The following DNAH3 variants were observed in gnomAD, a reference collection of about 807,000 sequenced individuals.
DNAH3 encodes the protein axonemal beta dynein heavy chain 3.
A neutral mutation model predicts 432.5 loss-of-function variants in DNAH3; 332 were observed. That is an observed-to-expected ratio of 0.77 (90% confidence interval 0.70 to 0.84). DNAH3 has a LOEUF of 0.84. Ranked by LOEUF, DNAH3 falls within the 40% of genes least tolerant of loss-of-function variation. The probability of loss-of-function intolerance (pLI) is 0.00; values close to 1 mark genes in which losing one functional copy is unlikely to be tolerated. For synonymous variants in DNAH3, 1,956 were observed against 1,900.2 expected (o/e 1.03, Z -0.76); for missense variants, 4,861 against 5,114.0 (o/e 0.95, Z 1.51).
At chr16:21,086,769 A>G in intron 19 of DNAH3, 80 bp downstream of exon 19, 1 of 1,256,128 alleles carries the variant, frequency 8.0e-7, no homozygotes. Context: ...TTGACCTAGT[A>G]ATGTTTCCTG....
At position 21,051,925 on chromosome 16, in the gene DNAH3, T is replaced by C. The variant is rs2089971154; in HGVS notation, c.4040-57A>G. 8.4e-6 allele frequency: 12 copies of C among 1,427,500 alleles called. No individual in the cohort carries two copies. In the East Asian group the frequency reaches 2.7e-4, roughly 32 times the overall value. 88.4% of individuals were successfully genotyped at this position (1,427,500 alleles called of 1,614,324 possible). A position where few individuals can be genotyped will look rare whatever the true frequency, so the allele number is the denominator to read the frequency against. On this transcript the variant is annotated intron_variant, in intron 28 of 61. Transcript: ENST00000261383. Reference sequence around the variant, plus strand: ...CAGAGCCATCAGAACTCTCCATCTTTGTAAGCTCCTCAGTTACAAGTGGAT... The same window carrying C: ...CAGAGCCATCAGAACTCTCCATCTTCGTAAGCTCCTCAGTTACAAGTGGAT...
chr16:21,061,061 T>C (rs189248855), intron 25 of DNAH3, among the ~76,000 whole-genome samples: 3 of 151,072 alleles, frequency 2.0e-5, no homozygotes, highest in Admixed American at 2.0e-4. Flanking sequence ...CTGGTCTTGA[T>C]TTCCTGGCCT....
In DNAH3 at chr16:20,980,082, C is replaced by G. The variant is rs2085787956; in HGVS notation, c.7860-536G>C. Among the ~76,000 whole-genome samples, 4 of 150,900 alleles carry G rather than the reference C, an allele frequency of 2.7e-5. No homozygotes were observed. In the Admixed American group the frequency reaches 2.7e-4, roughly 10 times the overall value. ...GTCTTTGATCAAGTCATTTCTATCA[C>G]TGATCCCTTTGATGAATCACCAGGG... On this transcript the variant is annotated intron_variant, in intron 49 of 61. Coordinates refer to ENST00000261383, the Ensembl canonical transcript of DNAH3.
chr16:21,159,424 G>T (rs1567894494), exon 1 of DNAH3: 1 of 1,613,998 alleles, frequency 6.2e-7, no homozygotes, highest in Non-Finnish European at 8.5e-7. Flanking sequence ...TGAGCTCGAG[G>T]CGCCCTGTAG....
At chr16:21,003,110 A>C (rs2087111567) in exon 42 of DNAH3, 1 of 1,600,136 alleles carries the variant, frequency 6.2e-7, no homozygotes, top group Non-Finnish European at 8.6e-7. Flanking sequence ...ATACCTTTGC[A>C]CCAGCTGGAA....
At chr16:21,049,759 A>G (rs2152742227) in intron 30 of DNAH3, 77 bp from the exon 31 acceptor site, 2 of 1,414,270 alleles carry the variant, frequency 1.4e-6, no homozygotes, top group South Asian at 2.3e-5. Flanking sequence ...ATTCAACAGC[A>G]GTGGGCTCCT....
intron 22 of DNAH3, 112 bp downstream of exon 22, chr16:21,070,598 A>C: frequency 1.4e-6 from 1 of 709,144 alleles, no homozygotes; most frequent in Non-Finnish European, 2.6e-6. Flanking sequence ...TTATTTTTCC[A>C]ATTAGGACAA....
chr16:21,109,024 G>A (rs1038204963), intron 14 of DNAH3, among the ~76,000 whole-genome samples: 1 of 151,322 alleles, frequency 6.6e-6, no homozygotes, highest in Non-Finnish European at 1.5e-5. Context: ...TCAGGAGGCT[G>A]AGGCTGGTGA....
At chr16:21,093,339 A>G (rs1464264276) in intron 18 of DNAH3, among the ~76,000 whole-genome samples, 1 of 152,242 alleles carries the variant, frequency 6.6e-6, no homozygotes, top group Non-Finnish European at 1.5e-5. Context: ...GCTCCAAAAA[A>G]GGAAATATTT....
chr16:21,012,034 C>T (rs139826938), intron 41 of DNAH3, among the ~76,000 whole-genome samples: 5 of 152,198 alleles, frequency 3.3e-5, no homozygotes, highest in East Asian at 1.9e-4. Context: ...AGCCAGGATC[C>T]GAACTCTGAC....
intron 42 of DNAH3, 91 bp downstream of exon 42, chr16:21,003,013 C>G (rs2152692912): frequency 1.1e-6 from 1 of 886,714 alleles, no homozygotes; most frequent in Middle Eastern, 2.2e-4. Context: ...GCCCTTAAAA[C>G]TCCTCGCAAA....
At chr16:21,134,939 C>G (rs1462281354) in intron 6 of DNAH3, among the ~76,000 whole-genome samples, 1 of 152,144 alleles carries the variant, frequency 6.6e-6, no homozygotes, top group Non-Finnish European at 1.5e-5. Flanking sequence ...CCACCCGCCT[C>G]GGCCTCCCAA....
chr16:20,962,422 C>CA (rs1056544004), intron 53 of DNAH3, among the ~76,000 whole-genome samples: 1 of 152,090 alleles, frequency 6.6e-6, no homozygotes, highest in African/African-American at 2.4e-5. Context: ...CAGGTGATTC[C>CA]AATGTGCAGC....
At chr16:20,943,515 C>G (rs914909306) in intron 58 of DNAH3, among the ~76,000 whole-genome samples, 1 of 152,186 alleles carries the variant, frequency 6.6e-6, no homozygotes, top group African/African-American at 2.4e-5. Context: ...CGATTCACTG[C>G]ACCTGGCCTC....
intron 7 of DNAH3, among the ~76,000 whole-genome samples, chr16:21,128,704 A>C (rs1187206238): frequency 6.6e-6 from 1 of 150,642 alleles, no homozygotes; most frequent in Non-Finnish European, 1.5e-5. Flanking sequence ...AAAAAAAAAA[A>C]ATAGACGCGC....
In DNAH3 at chr16:20,974,730, G is replaced by A. The variant is rs932812222; in HGVS notation, c.8259+503C>T. 6.0e-5 allele frequency among the ~76,000 whole-genome samples: 9 copies of A among 150,964 alleles called. No individual in the cohort carries two copies. The East Asian group carries it at 1.8e-3, about 30-fold the overall frequency. On this transcript the variant is annotated intron_variant, in intron 51 of 61. Transcript: ENST00000261383. Reference sequence around the variant, plus strand: ...GCCACCACACCTGCCCATATGTTGGGTCTTAATGCTTCCTGGTTTCAGCGA... The same window carrying A: ...GCCACCACACCTGCCCATATGTTGGATCTTAATGCTTCCTGGTTTCAGCGA...
At chr16:21,036,258 A>G (rs1305430659) in intron 35 of DNAH3, among the ~76,000 whole-genome samples, 1 of 152,132 alleles carries the variant, frequency 6.6e-6, no homozygotes, top group Non-Finnish European at 1.5e-5. Flanking sequence ...CCTGGGAGGC[A>G]GAGGTTGCAG....
rs371035895 is a variant in DNAH3, at chr16:21,146,270, T to A, written c.118-182A>T. On this transcript the variant is annotated intron_variant, in intron 1 of 61. Transcript: ENST00000261383. The stretch of plus-strand genomic sequence containing the variant: ...TTTCATTTATTTAAAAATTAACAGA[T>A]AAGGGCTGGGTGCGGTAGCTCACCC... 9.5e-4 allele frequency among the ~76,000 whole-genome samples: 145 copies of A among 152,230 alleles called. 1 individual carries two copies. Among genetic ancestry groups the A allele is most frequent in the East Asian group, 5.4e-3 (28 of 5,176 alleles).
At position 21,140,851 on chromosome 16, in the gene DNAH3, A is replaced by G. The variant is rs893970790; in HGVS notation, c.522-141T>C. 5 of 687,752 alleles carry G rather than the reference A, an allele frequency of 7.3e-6. No homozygotes were observed. In the African/African-American group the frequency reaches 9.0e-5, roughly 12 times the overall value. 42.6% of individuals were successfully genotyped at this position (687,752 alleles called of 1,614,324 possible). ...CTGTGTCATCTAATGGCATGTGTGT[A>G]TACTTCCAAGATGACCCTAATGACT... is the stretch of plus-strand genomic sequence containing the variant. On this transcript the variant is annotated intron_variant, in intron 4 of 61. Transcript: ENST00000261383.
Sources: gnomAD v4.1 joint callset for allele counts (sites outside exome capture counted in the v4.1 genomes callset) on GRCh38, gnomAD v4.1.1 for gene constraint, MANE v1.5 for transcripts, NCBI Gene and HGNC (gene_info 2026-07-23, HGNC 2026-07-21) for gene names.